The following NFX1 variants were observed in gnomAD, a reference collection of about 807,000 sequenced individuals.
The protein encoded by NFX1 is transcriptional repressor NF-X1.
A neutral mutation model predicts 137.2 loss-of-function variants in NFX1; 69 were observed. The observed-to-expected ratio is 0.50, with a 90% CI of 0.41 to 0.61. The LOEUF (loss-of-function observed/expected upper bound fraction) is 0.61, where lower values mean the gene tolerates loss of function less well. Ranked by LOEUF, NFX1 falls within the 20% of genes least tolerant of loss-of-function variation. The probability of loss-of-function intolerance (pLI) is 0.00; values close to 1 mark genes in which losing one functional copy is unlikely to be tolerated. For missense variants in NFX1, 1,167 were observed against 1,391.0 expected, an observed-to-expected ratio of 0.84 and a Z score of 2.56; for synonymous variants, 495 against 474.1, an observed-to-expected ratio of 1.04 and a Z score of -0.57.
chr9:33,336,453 A>T (rs1486269319), intron 11 of NFX1, among the ~76,000 whole-genome samples: 1 of 152,100 alleles, frequency 6.6e-6, no homozygotes, highest in African/African-American at 2.4e-5. Flanking sequence ...TGACCTCGTG[A>T]TCCGCCTGCC....
rs774444222 is a variant in NFX1, at chr9:33,352,736, T to C, written c.2729+17T>C. On this transcript the variant is annotated intron_variant, in intron 17 of 23. Transcript: ENST00000379540. ...TTATCAAAGGTTAGTGTTACTTAAA[T>C]GTTAACAACTGATGGCCTAGGTGAA... 6.3e-7 allele frequency: 1 copy of C among 1,594,668 alleles called. No homozygotes were observed. Among genetic ancestry groups the C allele is most frequent in the Non-Finnish European group, 8.6e-7 (1 of 1,162,454 alleles).
At chr9:33,334,848 G>A (rs531893166) in intron 11 of NFX1, among the ~76,000 whole-genome samples, 1 of 152,250 alleles carries the variant, frequency 6.6e-6, no homozygotes, top group South Asian at 2.1e-4. Flanking sequence ...TTAATAAGCA[G>A]GAACCGTCCT....
At chr9:33,332,111 C>G (rs1822829096) in intron 10 of NFX1, among the ~76,000 whole-genome samples, 1 of 152,160 alleles carries the variant, frequency 6.6e-6, no homozygotes, top group South Asian at 2.1e-4. Context: ...CTTTTTATGG[C>G]TTTTTCTGTC....
rs1488036126 is a variant in NFX1, at chr9:33,319,046, A to C, written c.1825A>C (p.Ser609Arg). The change falls in exon 9 of 24, where the codon AGT becomes CGT. Residue 609 changes from serine to arginine, a missense_variant. Ser to Arg is a moderately radical substitution (Grantham distance 110). Transcript: ENST00000379540. ...TCTCAGCCAATTGCTAGAACTTGGA[A>C]GTAGTAGTCGGAAAACATGCATGGA... ...TPLSQLLELGSSSRKTCMDPV... is the reference protein window; with the variant it reads ...TPLSQLLELGRSSRKTCMDPV... 6.2e-7 allele frequency: 1 copy of C among 1,614,108 alleles called. No homozygotes were observed. The highest frequency in any genetic ancestry group is 1.3e-5 in the African/African-American group (1 of 74,928).
At position 33,295,114 on chromosome 9, in the gene NFX1, A is replaced by T. The variant is rs1157200008; in HGVS notation, c.720A>T (p.Arg240Ser). 6.2e-7 allele frequency: 1 copy of T among 1,614,160 alleles called. No homozygotes were observed. Among genetic ancestry groups the T allele is most frequent in the South Asian group, 1.1e-5 (1 of 91,080 alleles). The change falls in exon 2 of 24, where the codon AGA (arginine) becomes AGT (serine). Residue 240 changes from arginine (R) to serine (S), a missense_variant. By Grantham distance (110) the Arg-to-Ser change is moderately radical. Around this residue, in one of 3 missense-constraint regions of NFX1, gnomAD observed 367 missense variants for 386.7 expected, o/e 0.95. Coordinates refer to ENST00000379540, the MANE Select transcript of NFX1 (RefSeq NM_002504.6). ...GYGARRNEQR[R>S]YPQKRPPWEV... ...GAGCCAGACGAAATGAGCAGAGAAG[A>T]TACCCACAGAAAAGGCCTCCCTGGG...
intron 12 of NFX1, among the ~76,000 whole-genome samples, chr9:33,339,712 A>G (rs1823148592): frequency 6.6e-6 from 1 of 152,266 alleles, no homozygotes; most frequent in Non-Finnish European, 1.5e-5. Flanking sequence ...CAAATTAGTT[A>G]CTTCCTAGGT....
intron 19 of NFX1, among the ~76,000 whole-genome samples, chr9:33,358,477 T>C (rs1823885511): frequency 6.6e-6 from 1 of 151,896 alleles, no homozygotes. Context: ...AAGTGTTTTG[T>C]TTATTTTGTT....
intron 5 of NFX1, among the ~76,000 whole-genome samples, chr9:33,309,282 G>A (rs1276795148): frequency 2.6e-5 from 4 of 151,846 alleles, no homozygotes; most frequent in Non-Finnish European, 4.4e-5. Context: ...GCGTGAACCC[G>A]GGAGGCGGAG....
chr9:33,300,530 ACACT>A (rs1416177852), intron 2 of NFX1, among the ~76,000 whole-genome samples: 1 of 152,244 alleles, frequency 6.6e-6, no homozygotes, highest in Non-Finnish European at 1.5e-5. Context: ...GCATATACAC[ACACT>A]CACACTCAGT....
At chr9:33,348,466 C>T (rs1005972141) in intron 15 of NFX1, 2 of 151,318 alleles carry the variant, frequency 1.3e-5, no homozygotes, top group African/African-American at 4.9e-5. Context: ...TGTAACCAAA[C>T]ACCACCTGTT....
intron 7 of NFX1, among the ~76,000 whole-genome samples, chr9:33,316,531 A>C (rs1822169699): frequency 6.6e-6 from 1 of 152,078 alleles, no homozygotes; most frequent in South Asian, 2.1e-4. Context: ...GTTTCTGTTT[A>C]GTTGATTTTT....
intron 13 of NFX1, among the ~76,000 whole-genome samples, chr9:33,343,756 T>G (rs1179309959): frequency 6.6e-6 from 1 of 152,204 alleles, no homozygotes; most frequent in African/African-American, 2.4e-5. Flanking sequence ...TGTTGATAAA[T>G]TTCCTATTAT....
intron 11 of NFX1, among the ~76,000 whole-genome samples, chr9:33,336,999 G>A (rs1823030335): frequency 6.6e-6 from 1 of 152,108 alleles, no homozygotes; most frequent in Non-Finnish European, 1.5e-5. Flanking sequence ...CTACTCGGGA[G>A]GCTGAGGCAA....
At chr9:33,347,652 GT>G (rs1564139219) in intron 15 of NFX1, 4 of 387,426 alleles carry the variant, frequency 1.0e-5, no homozygotes, top group Non-Finnish European at 2.0e-5. Flanking sequence ...TAGATTTACC[GT>G]TTGATCCAGC....
At position 33,352,630 on chromosome 9, in the gene NFX1, G is replaced by T. The variant is rs1299172965; in HGVS notation, c.2656-16G>T. 9.9e-6 allele frequency: 16 copies of T among 1,613,138 alleles called. No homozygotes were observed. The highest frequency in any genetic ancestry group is 1.3e-5 in the African/African-American group (1 of 74,912). On this transcript the variant is annotated splice_polypyrimidine_tract_variant and intron_variant, in intron 16 of 23. Transcript: ENST00000379540. ...TCCAGTGTGCTAAAAGTCGTTCCAT[G>T]TTCATCTGACTTCAGGTAGAGCTAC...
At chr9:33,331,826 A>C (rs1232497782) in intron 10 of NFX1, among the ~76,000 whole-genome samples, 1 of 152,110 alleles carries the variant, frequency 6.6e-6, no homozygotes, top group Non-Finnish European at 1.5e-5. Context: ...GCAGCTAGCC[A>C]GACTCATTCT....
intron 10 of NFX1, among the ~76,000 whole-genome samples, chr9:33,331,724 C>T (rs1343883289): frequency 8.5e-5 from 12 of 141,296 alleles, no homozygotes; most frequent in South Asian, 4.5e-4. Context: ...ATAATTTTTA[C>T]GAAGAGGGGA....
At chr9:33,352,059 C>T (rs1823656571) in intron 16 of NFX1, among the ~76,000 whole-genome samples, 1 of 152,170 alleles carries the variant, frequency 6.6e-6, no homozygotes, top group African/African-American at 2.4e-5. Flanking sequence ...TGATTGTTTA[C>T]TCCATTTATT....
chr9:33,309,602 C>T (rs1821890416), intron 5 of NFX1, among the ~76,000 whole-genome samples: 1 of 152,200 alleles, frequency 6.6e-6, no homozygotes, highest in Non-Finnish European at 1.5e-5. Context: ...TCCAAGAAAG[C>T]TTTGCTTTCT....
Sources: allele counts gnomAD v4.1 joint callset (sites outside exome capture counted in the v4.1 genomes callset), GRCh38; gene constraint gnomAD v4.1.1; regional missense constraint gnomAD v4.1.1; transcripts MANE v1.5; gene names NCBI Gene and HGNC (gene_info 2026-07-23, HGNC 2026-07-21).